The following AGK variants were observed in gnomAD, a reference collection of about 807,000 sequenced individuals.
The protein encoded by AGK is acylglycerol kinase, mitochondrial.
A neutral mutation model predicts 66.4 loss-of-function variants in AGK; 52 were observed. The ratio of observed to expected loss-of-function variants is 0.78; its 90% confidence interval spans 0.63 to 0.99. The LOEUF is 0.99. Ranked by LOEUF, AGK falls within the 50% of genes least tolerant of loss-of-function variation. AGK has a pLI of 0.00. For synonymous variants in AGK, 182 were observed against 181.1 expected (o/e 1.00, Z -0.04); for missense variants, 451 against 506.6 (o/e 0.89, Z 1.05).
intron 2 of AGK, among the ~76,000 whole-genome samples, chr7:141,584,561 A>G (rs1441199667): frequency 6.6e-6 from 1 of 152,222 alleles, no homozygotes; most frequent in Admixed American, 6.5e-5. Context: ...AAGCTGTGTC[A>G]TGGCTGTGTC....
rs763933010 is a variant in AGK, at chr7:141,615,469, A to C, written c.424-2A>C. ...AAACTTTCCTCTTCTTTCCCCCCCC[A>C]GGCTACCTTCAGTAAGATTCCCATT... On this transcript the variant is annotated splice_acceptor_variant, in intron 7 of 15. Transcript: ENST00000649286. LOFTEE classifies it high-confidence loss of function. 6.2e-7 allele frequency: 1 copy of C among 1,612,108 alleles called. No homozygotes were observed. Among genetic ancestry groups the C allele is most frequent in the African/African-American group, 1.3e-5 (1 of 74,952 alleles).
At chr7:141,638,812 A>G (rs1417512681) in intron 11 of AGK, among the ~76,000 whole-genome samples, 1 of 152,216 alleles carries the variant, frequency 6.6e-6, no homozygotes, top group Non-Finnish European at 1.5e-5. Context: ...AGTTTAATCT[A>G]TGTAGAGTTT....
At chr7:141,619,431 A>G (rs1033092458) in intron 8 of AGK, among the ~76,000 whole-genome samples, 10 of 152,152 alleles carry the variant, frequency 6.6e-5, no homozygotes, top group Admixed American at 2.0e-4. Flanking sequence ...AAGCCATTCA[A>G]TGTATAATAG....
intron 13 of AGK, among the ~76,000 whole-genome samples, chr7:141,645,516 C>T (rs1797391816): frequency 6.6e-6 from 1 of 152,112 alleles, no homozygotes; most frequent in Non-Finnish European, 1.5e-5. Context: ...AATACTTATC[C>T]TTACAATCCT....
chr7:141,589,115 C>A (rs946520445), intron 2 of AGK, among the ~76,000 whole-genome samples: 6 of 152,190 alleles, frequency 3.9e-5, no homozygotes, highest in Admixed American at 3.9e-4. Flanking sequence ...CCAGCCCCTA[C>A]TCAAGATGGA....
chr7:141,633,667 C>T (rs1388981032), intron 9 of AGK, among the ~76,000 whole-genome samples: 1 of 152,158 alleles, frequency 6.6e-6, no homozygotes, highest in Non-Finnish European at 1.5e-5. Flanking sequence ...AGTATGTTCC[C>T]CTGCCAGCAG....
rs190826626 is a variant in AGK at position 141,576,318 on chromosome 7, T to C, written c.102-16828T>C. Among the ~76,000 whole-genome samples the C allele has an allele frequency of 7.2e-4, 109 of 152,220 alleles. 1 individual carries two copies. Among genetic ancestry groups the C allele is most frequent in the Admixed American group, 2.2e-3 (33 of 15,278 alleles). On this transcript the variant is annotated intron_variant, in intron 2 of 15. Transcript: ENST00000649286. ...AACAAGGAAGGAGAAGGGATTCTTA[T>C]TCCTGATGCAGGTAGCCCCTACTGC...
At position 141,620,805 on chromosome 7, in the gene AGK, G is replaced by A. The variant is rs1183375724; in HGVS notation, c.519-927G>A. On this transcript the variant is annotated intron_variant, in intron 8 of 15. Transcript: ENST00000649286. ...ATACTTCTGGCACTGGTGGGGAAAA[G>A]GAACCATTTTGAAATATGCCACAGT... 2.0e-5 allele frequency among the ~76,000 whole-genome samples: 3 copies of A among 152,178 alleles called. No homozygotes were observed. The East Asian group carries it at 5.8e-4, about 29-fold the overall frequency.
chr7:141,565,098 T>C (rs1039035270), intron 2 of AGK, among the ~76,000 whole-genome samples: 1 of 152,168 alleles, frequency 6.6e-6, no homozygotes, highest in Non-Finnish European at 1.5e-5. Context: ...GCCCTAGGCC[T>C]TCTTCTCACA....
chr7:141,624,989 C>T (rs1010286537), intron 9 of AGK, among the ~76,000 whole-genome samples: 1 of 152,184 alleles, frequency 6.6e-6, no homozygotes, highest in African/African-American at 2.4e-5. Context: ...TCAGCAACCA[C>T]CACCCTGATC....
chr7:141,554,929 T>G (rs1795174764), intron 1 of AGK, among the ~76,000 whole-genome samples: 1 of 152,228 alleles, frequency 6.6e-6, no homozygotes, highest in Non-Finnish European at 1.5e-5. Flanking sequence ...GTACATTGCC[T>G]CTTCATTGAG....
intron 6 of AGK, 140 bp downstream of exon 6, chr7:141,611,427 A>G: frequency 1.9e-6 from 1 of 527,344 alleles, no homozygotes; most frequent in Non-Finnish European, 3.2e-6. Context: ...TAAAGCTAGT[A>G]TAGCTTTAAA....
intron 2 of AGK, among the ~76,000 whole-genome samples, chr7:141,558,414 C>T (rs955014948): frequency 6.6e-5 from 10 of 151,952 alleles, no homozygotes; most frequent in Admixed American, 3.9e-4. Flanking sequence ...ATCTGCCCGC[C>T]TTGGCCTCTG....
intron 11 of AGK, among the ~76,000 whole-genome samples, 175 bp downstream of exon 11, chr7:141,637,192 G>A (rs577596783): frequency 6.6e-6 from 1 of 152,194 alleles, no homozygotes; most frequent in African/African-American, 2.4e-5. Context: ...GTTTTGATAA[G>A]CAATCACCCT....
chr7:141,565,920 A>G (rs1795458235), intron 2 of AGK, among the ~76,000 whole-genome samples: 1 of 152,158 alleles, frequency 6.6e-6, no homozygotes, highest in African/African-American at 2.4e-5. Flanking sequence ...GTAAGTACAG[A>G]TTGCTATTGC....
chr7:141,604,403 T>TATATATATATATAC (rs1301537652), intron 5 of AGK, among the ~76,000 whole-genome samples: 39 of 141,496 alleles, frequency 2.8e-4, no homozygotes, highest in African/African-American at 9.7e-4. Context: ...TATATATATA[T>TATATATATATATAC]ACACATACAT....
chr7:141,632,133 A>G (rs1373251763), intron 9 of AGK, among the ~76,000 whole-genome samples: 1 of 151,836 alleles, frequency 6.6e-6, no homozygotes, highest in African/African-American at 2.4e-5. Context: ...CAGGAGGTTG[A>G]GGCAGGAGAA....
chr7:141,624,873 C>T (rs1342479633), intron 9 of AGK, among the ~76,000 whole-genome samples: 4 of 152,168 alleles, frequency 2.6e-5, no homozygotes, highest in African/African-American at 7.2e-5. Context: ...CACATGCTAT[C>T]GAACTGCATA....
chr7:141,560,589 T>C (rs967828569), intron 2 of AGK, among the ~76,000 whole-genome samples: 2 of 152,050 alleles, frequency 1.3e-5, no homozygotes, highest in African/African-American at 2.4e-5. Flanking sequence ...CTGTACCCAG[T>C]GTGTAGTCTT....
Sources: allele counts gnomAD v4.1 joint callset (sites outside exome capture counted in the v4.1 genomes callset), GRCh38; gene constraint gnomAD v4.1.1; transcripts MANE v1.5; gene names NCBI Gene and HGNC (gene_info 2026-07-23, HGNC 2026-07-21).